XCR1: variants seen among roughly 807,000 people sequenced by gnomAD.
XCR1 encodes X-C motif chemokine receptor 1.
For synonymous variants in XCR1, 187 were observed against 188.5 expected, an observed-to-expected ratio of 0.99 and a Z score of 0.06; for missense variants, 356 against 424.2, an observed-to-expected ratio of 0.84 and a Z score of 1.41.
intron 5 of XCR1, among the ~76,000 whole-genome samples, chr3:46,050,956 G>A (rs61441959): frequency 0.016 from 2,398 of 152,230 alleles, 73 homozygotes; most frequent in African/African-American, 0.055. Context: ...AATTCCAGGG[G>A]CTGACTTTTC....
chr3:46,028,246 C>T (rs1270255741), upstream of XCR1, among the ~76,000 whole-genome samples: 1 of 152,076 alleles, frequency 6.6e-6, no homozygotes, highest in African/African-American at 2.4e-5. Flanking sequence ...AGTAAAAGAG[C>T]TGTAACACTC....
At chr3:46,082,910 C>T (rs1157494375) in intron 1 of XCR1, among the ~76,000 whole-genome samples, 1 of 152,122 alleles carries the variant, frequency 6.6e-6, no homozygotes, top group East Asian at 1.9e-4. Flanking sequence ...GGGTTTGCTA[C>T]CCTAAACCAA....
Position 46,021,458 on chromosome 3 carries a change from C to T in XCR1, c.490G>A (p.Asp164Asn), listed in dbSNP as rs749031804. Residue 164 changes from aspartate (D) to asparagine (N), a missense_variant, in exon 2 of 2, where the codon GAC (aspartate) becomes AAC (asparagine). Transcript: ENST00000309285. The surrounding 1 kb of genome is among the most constrained non-coding windows in gnomAD (Gnocchi z 4.7). ...GAAAGCACCTTGTGGAAGATGGTGT[C>T]GAGGATGGAGGACAGGATGCTGGCT... is the stretch of plus-strand genomic sequence containing the variant. ...WVASILSSILDTIFHKVLSSG... is the reference protein window; with the variant it reads ...WVASILSSILNTIFHKVLSSG... 22 of 1,613,778 alleles carry T rather than the reference C, an allele frequency of 1.4e-5. No individual in the cohort carries two copies. The highest frequency in any genetic ancestry group is 2.2e-5 in the East Asian group (1 of 44,880).
intron 5 of XCR1, among the ~76,000 whole-genome samples, chr3:46,041,704 AT>A (rs1476023408): frequency 6.6e-6 from 1 of 152,174 alleles, no homozygotes; most frequent in Non-Finnish European, 1.5e-5. Flanking sequence ...TGAAACTTAC[AT>A]TTGTTTTAGC....
rs574981417 is a variant in XCR1 at position 46,080,140 on chromosome 3, G to A, written c.-514-3214C>T. On this transcript the variant is annotated intron_variant, in intron 1 of 5. Transcript: ENST00000683768. Reference sequence around the variant, plus strand: ...CTAGCCTCCAAGATCACCTATAATCGTGCCACTGTACTCTGGCCTGGGCAA... The same window carrying A: ...CTAGCCTCCAAGATCACCTATAATCATGCCACTGTACTCTGGCCTGGGCAA... Among the ~76,000 whole-genome samples the A allele has an allele frequency of 2.0e-5, 3 of 148,938 alleles. No individual in the cohort carries two copies. In the South Asian group the frequency reaches 6.4e-4, roughly 32 times the overall value.
At chr3:46,060,830 C>T (rs1260353946) in intron 4 of XCR1, among the ~76,000 whole-genome samples, 1 of 152,204 alleles carries the variant, frequency 6.6e-6, no homozygotes, top group African/African-American at 2.4e-5. Context: ...CAAGATATTG[C>T]CATCTGGCTG....
At chr3:46,085,391 C>T (rs1247439254) in intron 1 of XCR1, among the ~76,000 whole-genome samples, 1 of 152,150 alleles carries the variant, frequency 6.6e-6, no homozygotes, top group East Asian at 1.9e-4. Context: ...GTCTTTATTC[C>T]TAACCAGCCT....
chr3:46,036,579 A>C (rs1175610715), intron 5 of XCR1, among the ~76,000 whole-genome samples: 2 of 152,364 alleles, frequency 1.3e-5, no homozygotes, highest in South Asian at 2.1e-4. Flanking sequence ...CTTTAAAAAT[A>C]TTAATAAAAT....
rs781126263 is a variant in XCR1 at position 46,045,314 on chromosome 3, G to A, written c.-32+8606C>T. Among the ~76,000 whole-genome samples, 101 of 152,086 alleles carry A rather than the reference G, an allele frequency of 6.6e-4. No homozygotes were observed. In the Middle Eastern group the frequency reaches 0.014, roughly 20 times the overall value. On this transcript the variant is annotated intron_variant, in intron 5 of 5. Coordinates refer to the XCR1 transcript ENST00000683768. Reference sequence around the variant, plus strand: ...AATCCCAACTACTCGGGAGGCTGAGGCAGAGAATTGCTTGAACTCAGGAGG... The same window carrying A: ...AATCCCAACTACTCGGGAGGCTGAGACAGAGAATTGCTTGAACTCAGGAGG...
intron 1 of XCR1, among the ~76,000 whole-genome samples, chr3:46,022,482 CAA>C (rs1266314864): frequency 6.6e-6 from 1 of 152,218 alleles, no homozygotes; most frequent in African/African-American, 2.4e-5. Flanking sequence ...CTTATTGCTA[CAA>C]AGAGTCTATT....
At chr3:46,081,869 T>A (rs1486272040) in intron 1 of XCR1, among the ~76,000 whole-genome samples, 4 of 152,148 alleles carry the variant, frequency 2.6e-5, no homozygotes, top group Non-Finnish European at 5.9e-5. Context: ...CTTTCCCTTC[T>A]CATAGTTCCC....
At chr3:46,034,612 G>A (rs1023936954) in intron 5 of XCR1, among the ~76,000 whole-genome samples, 3 of 152,062 alleles carry the variant, frequency 2.0e-5, no homozygotes, top group Non-Finnish European at 2.9e-5. Flanking sequence ...TTATATAAAT[G>A]TATGTGTACA....
At chr3:46,057,945 T>C (rs13317619) in intron 4 of XCR1, among the ~76,000 whole-genome samples, 45,516 of 146,952 alleles carry the variant, frequency 0.31, 8,699 homozygotes, top group African/African-American at 0.57. Context: ...CGCATCCATC[T>C]ATCTATCTAT....
intron 1 of XCR1, 128 bp from the exon 2 acceptor site, chr3:46,022,106 C>A: frequency 1.2e-6 from 1 of 807,650 alleles, no homozygotes. Flanking sequence ...TTGAGACCAT[C>A]CCAGGCAATA....
chr3:46,029,794 G>C (rs971877209), upstream of XCR1, among the ~76,000 whole-genome samples: 2 of 152,066 alleles, frequency 1.3e-5, no homozygotes, highest in African/African-American at 4.8e-5. Context: ...CTTCCAATCC[G>C]GGAACACTGA....
chr3:46,046,894 G>A (rs972513181), intron 5 of XCR1, among the ~76,000 whole-genome samples: 2 of 152,186 alleles, frequency 1.3e-5, no homozygotes, highest in African/African-American at 4.8e-5. Context: ...GGATGTGAAA[G>A]CTCCCTGCAA....
rs1286127826 is a variant in XCR1, at chr3:46,021,209, GA to G, written c.738del (p.Leu247CysfsTer19). The G allele has an allele frequency of 1.2e-6, 2 of 1,614,134 alleles. No homozygotes were observed. The highest frequency in any genetic ancestry group is 1.7e-6 in the Non-Finnish European group (2 of 1,180,046). ...ATCTGGGTCCGAAACAGCGTCTGCA[GA>G]AACAGGGTGAAGTTGTAGGGACCCC... ...LSWGPYNFTL[F>X]LQTLFRTQII... On this transcript the variant is annotated frameshift_variant, in exon 2 of 2. Coordinates refer to ENST00000309285, the MANE Select transcript of XCR1 (RefSeq NM_001024644.2). LOFTEE classifies it low-confidence loss of function (END_TRUNC). This position sits in a 1 kb window ranked among gnomAD's most constrained non-coding sequence, Gnocchi z 4.7.
chr3:46,069,798 T>C (rs965025634), intron 3 of XCR1, among the ~76,000 whole-genome samples: 1 of 152,132 alleles, frequency 6.6e-6, no homozygotes, highest in African/African-American at 2.4e-5. Context: ...TTTAATTTCA[T>C]TTAGTTCTGC....
chr3:46,076,577 GAAAAA>G (rs3053293), intron 2 of XCR1, among the ~76,000 whole-genome samples: 6 of 135,812 alleles, frequency 4.4e-5, no homozygotes, highest in African/African-American at 1.6e-4. Flanking sequence ...CCATTATTTT[GAAAAA>G]AAAAAAAAAA....
Sources: allele counts gnomAD v4.1 joint callset (sites outside exome capture counted in the v4.1 genomes callset), GRCh38; gene constraint gnomAD v4.1.1; non-coding constraint Gnocchi (gnomAD v3.1); transcripts MANE v1.5; gene names NCBI Gene and HGNC (gene_info 2026-07-23, HGNC 2026-07-21).